PAFAH1B1: variants seen among roughly 807,000 people sequenced by gnomAD.
The protein encoded by PAFAH1B1 is platelet activating factor acetylhydrolase 1b regulatory subunit 1.
Under a neutral mutation model 57.5 loss-of-function variants are expected in PAFAH1B1, and 2 were observed. The ratio of observed to expected loss-of-function variants is 0.03; its 90% CI spans 0.01 to 0.11. PAFAH1B1 has a LOEUF of 0.11. PAFAH1B1 is among the 10% of genes least tolerant of loss of function. The pLI is 1.00. For synonymous variants in PAFAH1B1, 152 were observed against 169.6 expected, an observed-to-expected ratio of 0.90 and a Z score of 0.81; for missense variants, 257 against 512.0, an observed-to-expected ratio of 0.50 and a Z score of 4.81.
chr17:2,669,263 G>T (rs916647740), intron 5 of PAFAH1B1, among the ~76,000 whole-genome samples: 1 of 142,020 alleles, frequency 7.0e-6, no homozygotes, highest in African/African-American at 2.8e-5. Context: ...CCAGCAATTA[G>T]AATTTTTTTT....
At chr17:2,646,637 C>T (rs1249225792) in intron 2 of PAFAH1B1, among the ~76,000 whole-genome samples, 1 of 152,084 alleles carries the variant, frequency 6.6e-6, no homozygotes, top group Non-Finnish European at 1.5e-5. Flanking sequence ...CAGAGTGAGA[C>T]TCTGTCTCAA....
chr17:2,611,746 G>A (rs903102710), intron 1 of PAFAH1B1, among the ~76,000 whole-genome samples: 3 of 152,166 alleles, frequency 2.0e-5, no homozygotes, highest in African/African-American at 7.2e-5. Flanking sequence ...TTACTAGGAT[G>A]CCTACAGTAG....
At chr17:2,677,530 A>T (rs1372412839) in intron 9 of PAFAH1B1, among the ~76,000 whole-genome samples, 1 of 133,314 alleles carries the variant, frequency 7.5e-6, no homozygotes. Flanking sequence ...TGACAGACAT[A>T]TGTGGAAGCA....
intron 1 of PAFAH1B1, among the ~76,000 whole-genome samples, chr17:2,602,383 C>T (rs1045098147): frequency 6.6e-6 from 1 of 152,100 alleles, no homozygotes; most frequent in East Asian, 1.9e-4. Context: ...CATCTAGGAT[C>T]CAAAGTTCTT....
chr17:2,606,370 AT>A (rs113128147), intron 1 of PAFAH1B1, among the ~76,000 whole-genome samples: 5 of 147,700 alleles, frequency 3.4e-5, no homozygotes, highest in Admixed American at 6.8e-5. Flanking sequence ...GTTTTCTTTA[AT>A]TTTTTTTTTT....
At chr17:2,660,677 A>G (rs892729432) in intron 2 of PAFAH1B1, among the ~76,000 whole-genome samples, 1 of 152,124 alleles carries the variant, frequency 6.6e-6, no homozygotes, top group Non-Finnish European at 1.5e-5. Context: ...GGTTGGTTCC[A>G]TGTCTTTGCT....
rs183742421 is a variant in PAFAH1B1 at position 2,683,270 on chromosome 17, T to C, written c.*1468T>C. 2.6e-5 allele frequency: 4 copies of C among 152,288 alleles called. No homozygotes were observed. The highest frequency in any genetic ancestry group is 7.2e-5 in the African/African-American group (3 of 41,584). The allele number at this position is 152,288 out of a possible 1,614,324, so 9.4% of individuals were successfully genotyped here. On this transcript the variant is annotated 3_prime_UTR_variant, in exon 11 of 11. Coordinates refer to ENST00000397195, the MANE Select transcript of PAFAH1B1 (RefSeq NM_000430.4). ...TGGAGCACTATTCCATTGTCAGTTATTAATAAAGAATTCCATTGCTTAGCT... is the reference window on the plus strand; with the variant it reads ...TGGAGCACTATTCCATTGTCAGTTACTAATAAAGAATTCCATTGCTTAGCT...
intron 1 of PAFAH1B1, among the ~76,000 whole-genome samples, chr17:2,606,805 CAG>C (rs965430305): frequency 2.1e-5 from 3 of 140,248 alleles, no homozygotes; most frequent in Non-Finnish European, 4.6e-5. Flanking sequence ...ATATTTGCCT[CAG>C]AGCTTTTTTT....
At chr17:2,652,062 C>A (rs917291051) in intron 2 of PAFAH1B1, among the ~76,000 whole-genome samples, 4 of 152,146 alleles carry the variant, frequency 2.6e-5, no homozygotes, top group Non-Finnish European at 5.9e-5. Flanking sequence ...CAGAAAATTA[C>A]AATTATATAG....
At chr17:2,616,073 A>T (rs1029033491) in intron 1 of PAFAH1B1, among the ~76,000 whole-genome samples, 1 of 152,202 alleles carries the variant, frequency 6.6e-6, no homozygotes, top group South Asian at 2.1e-4. Flanking sequence ...TTATTCTTCA[A>T]ATAGCCCTTA....
At chr17:2,658,645 A>G (rs1840885785) in intron 2 of PAFAH1B1, among the ~76,000 whole-genome samples, 1 of 152,134 alleles carries the variant, frequency 6.6e-6, no homozygotes, top group Non-Finnish European at 1.5e-5. Context: ...TTGATGGGGA[A>G]GATAAAGGTC....
chr17:2,618,783 G>A (rs2068380278), intron 1 of PAFAH1B1, among the ~76,000 whole-genome samples: 1 of 149,510 alleles, frequency 6.7e-6, no homozygotes, highest in African/African-American at 2.5e-5. Context: ...GAGTAGCTGG[G>A]ATTACAGGTA....
At chr17:2,673,405 A>T (rs374661527) in intron 7 of PAFAH1B1, among the ~76,000 whole-genome samples, 11 of 152,046 alleles carry the variant, frequency 7.2e-5, no homozygotes, top group Middle Eastern at 6.9e-3. Flanking sequence ...TTTGGGAGGC[A>T]GAGGCGGGCG....
At position 2,685,423 on chromosome 17, in the gene PAFAH1B1, A is replaced by G. The variant is rs1408610024; in HGVS notation, c.*3621A>G. ...GTAATTGAGGAAAACAGTTCCCCAG[A>G]TTGTTAAGAGTTCACTGAAGATATT... is the stretch of plus-strand genomic sequence containing the variant. On this transcript the variant is annotated 3_prime_UTR_variant, in exon 11 of 11. Coordinates refer to ENST00000397195, the MANE Select transcript of PAFAH1B1 (RefSeq NM_000430.4). The G allele has an allele frequency of 6.7e-6, 1 of 148,506 alleles. No homozygotes were observed. The highest frequency in any genetic ancestry group is 2.4e-5 in the African/African-American group (1 of 41,214). 9.2% of individuals were successfully genotyped at this position (148,506 alleles called of 1,614,324 possible).
intron 1 of PAFAH1B1, among the ~76,000 whole-genome samples, chr17:2,617,182 A>G (rs965601777): frequency 3.3e-5 from 5 of 152,202 alleles, no homozygotes; most frequent in Non-Finnish European, 7.3e-5. Flanking sequence ...AACTATTTCT[A>G]CTTTATTTCT....
At chr17:2,596,713 C>G (rs1182744318) in intron 1 of PAFAH1B1, among the ~76,000 whole-genome samples, 3 of 152,036 alleles carry the variant, frequency 2.0e-5, no homozygotes, top group African/African-American at 7.2e-5. Context: ...AATGATAATT[C>G]ACTGTATTAT....
chr17:2,657,739 G>A (rs1254404182), intron 2 of PAFAH1B1, among the ~76,000 whole-genome samples: 1 of 152,084 alleles, frequency 6.6e-6, no homozygotes, highest in African/African-American at 2.4e-5. Context: ...AAATTTCATA[G>A]ACTTCAGTAG....
chr17:2,594,524 C>T (rs915154116), intron 1 of PAFAH1B1, among the ~76,000 whole-genome samples: 1 of 152,218 alleles, frequency 6.6e-6, no homozygotes. Flanking sequence ...CCGGGGCACT[C>T]ATAGGGCCTT....
chr17:2,670,888 T>A (rs2069172348), intron 6 of PAFAH1B1, among the ~76,000 whole-genome samples: 1 of 152,208 alleles, frequency 6.6e-6, no homozygotes, highest in East Asian at 1.9e-4. Context: ...TAAACCTCTT[T>A]CATCTGCAAA....
Sources: allele counts gnomAD v4.1 joint callset (sites outside exome capture counted in the v4.1 genomes callset), GRCh38; gene constraint gnomAD v4.1.1; transcripts MANE v1.5; gene names NCBI Gene and HGNC (gene_info 2026-07-23, HGNC 2026-07-21).